MCM3AP: variants seen among roughly 807,000 people sequenced by gnomAD.
MCM3AP encodes germinal-center associated nuclear protein.
A neutral mutation model predicts 184.1 loss-of-function variants in MCM3AP; 126 were observed. That is an observed-to-expected ratio of 0.68 (90% confidence interval 0.59 to 0.79). The LOEUF is 0.79. Among genes scored for constraint, MCM3AP ranks in the 30% least tolerant of loss-of-function variants. The pLI is 0.00. For missense variants in MCM3AP, 2,496 were observed against 2,479.2 expected (o/e 1.01, Z -0.14); for synonymous variants, 1,002 against 979.3 (o/e 1.02, Z -0.43).
intron 15 of MCM3AP, 122 bp downstream of exon 15, chr21:46,260,671 C>A: frequency 1.5e-6 from 1 of 664,308 alleles, no homozygotes; most frequent in Non-Finnish European, 2.6e-6. Flanking sequence ...GTCACAAAAT[C>A]AAAGTAGCTT....
rs149224890 is a variant in MCM3AP, at chr21:46,284,877, G to A, written c.410C>T (p.Ser137Phe). Residue 137 changes from serine (S) to phenylalanine (F), a missense_variant, in exon 1 of 28, where the codon TCT (serine) becomes TTT (phenylalanine). By Grantham distance (155) the Ser-to-Phe change is radical. This residue lies in a region of MCM3AP where 800 missense variants were observed against 717.1 expected (regional missense o/e 1.12). Transcript: ENST00000291688. ...GCTGAATTCTGTTTTCCCAAAACCA[G>A]AGTTCACTATTTCTCCAGCTTCTTG... ...FGQEAGEIVN[S>F]GFGKTEFSFK... 6 of 1,614,172 alleles carry A rather than the reference G, an allele frequency of 3.7e-6. No homozygotes were observed. The highest frequency in any genetic ancestry group is 5.1e-6 in the Non-Finnish European group (6 of 1,180,046).
chr21:46,235,380 G>A lies in MCM3AP; in HGVS notation c.5831C>T (p.Thr1944Met), dbSNP rs141098252. 41 of 1,614,052 alleles carry A rather than the reference G, an allele frequency of 2.5e-5. No individual in the cohort carries two copies. In the African/African-American group the frequency reaches 2.7e-4, roughly 10 times the overall value. The change falls in exon 28 of 28, where the codon ACG becomes ATG. Residue 1944 changes from threonine (T) to methionine (M), a missense_variant. Physicochemically the swap from Thr to Met is moderately conservative, Grantham distance 81. Around this residue, in one of 5 missense-constraint regions of MCM3AP, gnomAD observed 1,323 missense variants for 1,273.4 expected, o/e 1.04. Coordinates refer to ENST00000291688, the MANE Select transcript of MCM3AP (RefSeq NM_003906.5). The part of the protein sequence containing the change: ...EQLQLSEATG[T>M]CLGERLKHLE... Reference sequence around the variant, plus strand: ...GTGCTTTAGTCGTTCGCCTAGACACGTTCCTGTCGCCTCTGACAGCTGCAG... The same window carrying A: ...GTGCTTTAGTCGTTCGCCTAGACACATTCCTGTCGCCTCTGACAGCTGCAG...
chr21:46,254,841 T>G lies in MCM3AP; in HGVS notation c.3936A>C (p.Leu1312Phe). 1 of 1,613,700 alleles carries G rather than the reference T, an allele frequency of 6.2e-7. No homozygotes were observed. The highest frequency in any genetic ancestry group is 8.5e-7 in the Non-Finnish European group (1 of 1,179,642). ...AGRLGISCTR[L>F]RRLRNKTAHQ... ...GAGCTGTCTTGTTTCTGAGCCGCCT[T>G]AACCTGCAAAGGAAAGCAGAATGAC... Residue 1312 changes from leucine (L) to phenylalanine (F), a missense_variant, in exon 18 of 28, where the codon TTA (leucine) becomes TTC (phenylalanine). By Grantham distance (22) the Leu-to-Phe change is conservative. Transcript: ENST00000291688.
chr21:46,249,009 G>A (rs950529037), intron 20 of MCM3AP, among the ~76,000 whole-genome samples: 1 of 152,040 alleles, frequency 6.6e-6, no homozygotes, highest in African/African-American at 2.4e-5. Context: ...AGCCTGAAAG[G>A]ACCTGCTAAG....
At chr21:46,282,844 TAC>T (rs2081350758) in intron 2 of MCM3AP, among the ~76,000 whole-genome samples, 1 of 152,082 alleles carries the variant, frequency 6.6e-6, no homozygotes, top group African/African-American at 2.4e-5. Flanking sequence ...GTATTATGCA[TAC>T]ATTTAAAGTC....
At chr21:46,239,698 T>C (rs17183332) in intron 26 of MCM3AP, among the ~76,000 whole-genome samples, 1 of 152,166 alleles carries the variant, frequency 6.6e-6, no homozygotes, top group Non-Finnish European at 1.5e-5. Flanking sequence ...GATACAAATT[T>C]GGAGCTGTCA....
At position 46,240,993 on chromosome 21, in the gene MCM3AP, A is replaced by C; in HGVS notation, c.5451T>G (p.Pro1817=). 6.2e-7 allele frequency: 1 copy of C among 1,613,792 alleles called. No homozygotes were observed. The highest frequency in any genetic ancestry group is 8.5e-7 in the Non-Finnish European group (1 of 1,179,912). Residue 1817 remains proline (P), a synonymous_variant, in exon 26 of 28, where the codon CCT becomes CCG. Coordinates refer to ENST00000291688, the MANE Select transcript of MCM3AP (RefSeq NM_003906.5). ...EGRLAIKPFH[P]SANNFPIPLL... ...ATGGTATGGGAAAATTGTTTGCAGA[A>C]GGATGAAAAGGCTTTATTGCCAAAC...
intron 23 of MCM3AP, chr21:46,244,553 G>T: frequency 1.9e-6 from 1 of 528,418 alleles, no homozygotes; most frequent in Non-Finnish European, 3.4e-6. Flanking sequence ...TCCTGAAGCT[G>T]AGTGAACTCC....
intron 20 of MCM3AP, chr21:46,250,637 C>A (rs2080853923): frequency 6.6e-6 from 1 of 152,204 alleles, no homozygotes; most frequent in Admixed American, 6.5e-5. Flanking sequence ...TGAATCCTGA[C>A]ACAAGCTCAC....
chr21:46,248,492 AC>A (rs941926689), intron 20 of MCM3AP, among the ~76,000 whole-genome samples: 1 of 151,626 alleles, frequency 6.6e-6, no homozygotes, highest in Non-Finnish European at 1.5e-5. Flanking sequence ...CATCCACCCC[AC>A]CCCAAACACA....
rs755178595 is a variant in MCM3AP at position 46,265,303 on chromosome 21, G to GAA, written c.3234+16_3234+17dup. On this transcript the variant is annotated intron_variant, in intron 12 of 27. Transcript: ENST00000291688. ...ATGGGCTTCCCAGAGTCCAGACCTA[G>GAA]AAAAAAAGAGTCCCTACCTCGTCAG... The GAA allele has an allele frequency of 6.2e-7, 1 of 1,612,252 alleles. No individual in the cohort carries two copies. The highest frequency in any genetic ancestry group is 1.1e-5 in the South Asian group (1 of 91,044).
intron 2 of MCM3AP, among the ~76,000 whole-genome samples, chr21:46,280,965 C>T (rs1471734732): frequency 6.6e-6 from 1 of 152,132 alleles, no homozygotes; most frequent in Non-Finnish European, 1.5e-5. Flanking sequence ...CCACCACATC[C>T]GGCTAATTTT....
At position 46,284,226 on chromosome 21, in the gene MCM3AP, C is replaced by G. The variant is rs371008994; in HGVS notation, c.1061G>C (p.Arg354Pro). 6.2e-7 allele frequency: 1 copy of G among 1,614,202 alleles called. No individual in the cohort carries two copies. Among genetic ancestry groups the G allele is most frequent in the Admixed American group, 1.7e-5 (1 of 60,030 alleles). ...CTTTTTGGCCTCCTTGTTGCCCAGA[C>G]GACCTACTTCCTTATTGCTTTTGAA... ...DVFKSNKEVG[R>P]LGNKEAKKET... Residue 354 changes from arginine (R) to proline (P), a missense_variant, in exon 1 of 28, where the codon CGT becomes CCT. Arg to Pro is a moderately radical substitution (Grantham distance 103). This residue lies in a region of MCM3AP where 800 missense variants were observed against 717.1 expected (regional missense o/e 1.12). Transcript: ENST00000291688.
chr21:46,282,064 A>G (rs953538472), intron 2 of MCM3AP, among the ~76,000 whole-genome samples: 1 of 152,128 alleles, frequency 6.6e-6, no homozygotes, highest in African/African-American at 2.4e-5. Context: ...ACATTTTGGG[A>G]GGCTAAGGCA....
intron 17 of MCM3AP, chr21:46,256,580 T>A (rs920676909): frequency 1.7e-6 from 1 of 603,368 alleles, no homozygotes; most frequent in Non-Finnish European, 2.9e-6. Flanking sequence ...GAGCTCTGCT[T>A]TGCCAGTGGA....
chr21:46,262,916 C>A (rs769207436), intron 13 of MCM3AP, among the ~76,000 whole-genome samples: 3 of 135,776 alleles, frequency 2.2e-5, no homozygotes, highest in Admixed American at 8.3e-5. Flanking sequence ...TGCAGTGAGC[C>A]GAGATCACGC....
rs544854298 is a variant in MCM3AP, at chr21:46,265,489, C to T, written c.3066G>A (p.Pro1022=). ...GTGGGAGACTGGACAGGGGTGCATC[C>T]GGCTCTACACCACACTCCTCTCCTC... ...GGRGEECGVE[P]DAPLSSLPQS... The change falls in exon 12 of 28, where the codon CCG becomes CCA. Residue 1022 remains proline (P), a synonymous_variant. Transcript: ENST00000291688. The T allele has an allele frequency of 7.2e-5, 116 of 1,602,858 alleles. No homozygotes were observed. Among genetic ancestry groups the T allele is most frequent in the Non-Finnish European group, 9.5e-5 (111 of 1,174,162 alleles).
chr21:46,246,612 G>GACTTCCTTCACAAACCATCTTCT lies in MCM3AP; in HGVS notation c.4542_4549+15dup, dbSNP rs747538027. The GACTTCCTTCACAAACCATCTTCT allele has an allele frequency of 6.2e-7, 1 of 1,606,052 alleles. No homozygotes were observed. Among genetic ancestry groups the GACTTCCTTCACAAACCATCTTCT allele is most frequent in the Admixed American group, 1.7e-5 (1 of 59,832 alleles). On this transcript the variant is annotated intron_variant, in intron 21 of 27. Transcript: ENST00000291688. ...TTAAACAATGCTGCTTCATAAACGAGACTTCCTTCACAAACCATCTTCTAC... is the reference window on the plus strand; with the variant it reads ...TTAAACAATGCTGCTTCATAAACGAGACTTCCTTCACAAACCATCTTCTACTTCCTTCACAAACCATCTTCTAC...
In MCM3AP at chr21:46,272,876, G is replaced by A. The variant is rs373894213; in HGVS notation, c.2197-47C>T. ...GATCACACACACATTCCCATGCAAA[G>A]AGGCAACCGTGAGAAGGATCATGCT... is the stretch of plus-strand genomic sequence containing the variant. On this transcript the variant is annotated intron_variant, in intron 7 of 27. Transcript: ENST00000291688. 8.4e-5 allele frequency: 127 copies of A among 1,514,128 alleles called. 1 individual carries two copies. Among genetic ancestry groups the A allele is most frequent in the Non-Finnish European group, 3.3e-5 (37 of 1,130,388 alleles). 93.8% of individuals were successfully genotyped at this position (1,514,128 alleles called of 1,614,324 possible). A position where few individuals can be genotyped will look rare whatever the true frequency, so the allele number is the denominator to read the frequency against.
Sources: allele counts gnomAD v4.1 joint callset (sites outside exome capture counted in the v4.1 genomes callset), GRCh38; gene constraint gnomAD v4.1.1; regional missense constraint gnomAD v4.1.1; transcripts MANE v1.5; gene names NCBI Gene and HGNC (gene_info 2026-07-23, HGNC 2026-07-21).